CD44: variants seen among roughly 807,000 people sequenced by gnomAD.
CD44 encodes the protein CD44 molecule (IN blood group), also known as CD44 antigen.
A neutral mutation model predicts 88.8 loss-of-function variants in CD44; 49 were observed. The observed-to-expected ratio is 0.55, with a 90% CI of 0.44 to 0.70. The LOEUF (loss-of-function observed/expected upper bound fraction) is 0.70. Ranked by LOEUF, CD44 falls within the 30% of genes least tolerant of loss-of-function variation. The pLI, the probability that CD44 is intolerant of heterozygous loss-of-function variation, is 0.00. For missense variants in CD44, 883 were observed against 913.8 expected, an observed-to-expected ratio of 0.97 and a Z score of 0.43; for synonymous variants, 325 against 312.3, an observed-to-expected ratio of 1.04 and a Z score of -0.43.
chr11:35,187,595 ATAAACT>A (rs532060231), intron 4 of CD44, among the ~76,000 whole-genome samples: 40 of 152,342 alleles, frequency 2.6e-4, no homozygotes, highest in South Asian at 1.0e-3. Flanking sequence ...AACCTTAATA[ATAAACT>A]TAAATGTAAG....
chr11:35,144,575 C>T lies in CD44; in HGVS notation c.67+5205C>T, dbSNP rs183370814. Among the ~76,000 whole-genome samples, 3 of 152,268 alleles carry T rather than the reference C, an allele frequency of 2.0e-5. No individual in the cohort carries two copies. In the East Asian group the frequency reaches 5.8e-4, roughly 29 times the overall value. On this transcript the variant is annotated intron_variant, in intron 1 of 17. Transcript: ENST00000428726. Reference sequence around the variant, plus strand: ...TTTTTAAGTGTACCCCCCACAGCTGCCCAACTGGGTTTGCGAGGCAAGCCC... The same window carrying T: ...TTTTTAAGTGTACCCCCCACAGCTGTCCAACTGGGTTTGCGAGGCAAGCCC...
chr11:35,193,178 T>A (rs1024538436), intron 5 of CD44, among the ~76,000 whole-genome samples: 1 of 152,188 alleles, frequency 6.6e-6, no homozygotes, highest in Non-Finnish European at 1.5e-5. Flanking sequence ...TTGGCTTCCC[T>A]GGGCCACATT....
At position 35,181,916 on chromosome 11, in the gene CD44, ATATAT is replaced by A. The variant is rs368892090; in HGVS notation, c.367+1520_367+1524del. On this transcript the variant is annotated intron_variant, in intron 3 of 17. Transcript: ENST00000428726. Reference sequence around the variant, plus strand: ...TATAATATAATATATAATATATATTATATATTATATTATATATAAATTATATATAA... The same window carrying A: ...TATAATATAATATATAATATATATTATATATTATATATAAATTATATATAA... Among the ~76,000 whole-genome samples the A allele has an allele frequency of 4.8e-3, 297 of 61,700 alleles. 1 individual carries two copies. The highest frequency in any genetic ancestry group is 0.01 in the African/African-American group (118 of 11,396). The allele number at this position is 61,700 out of a possible 152,430, so 40.5% of individuals were successfully genotyped here.
intron 17 of CD44, among the ~76,000 whole-genome samples, chr11:35,224,386 G>A (rs1234015965): frequency 1.3e-5 from 2 of 152,134 alleles, no homozygotes; most frequent in Non-Finnish European, 2.9e-5. Flanking sequence ...AATTATTTTA[G>A]GAGTCAGTTG....
chr11:35,222,273 C>A, intron 17 of CD44: 1 of 509,304 alleles, frequency 2.0e-6, no homozygotes, highest in Non-Finnish European at 3.6e-6. Flanking sequence ...GAAGTATTGG[C>A]CTTGTGCTTT....
chr11:35,187,686 G>A (rs1215385368), intron 4 of CD44, among the ~76,000 whole-genome samples: 2 of 152,094 alleles, frequency 1.3e-5, no homozygotes, highest in Non-Finnish European at 2.9e-5. Flanking sequence ...TTATAAAGAG[G>A]GATTAATAAG....
At chr11:35,226,288 A>G (rs1336074205) in intron 17 of CD44, among the ~76,000 whole-genome samples, 2 of 152,192 alleles carry the variant, frequency 1.3e-5, no homozygotes, top group Admixed American at 6.5e-5. Flanking sequence ...CCATGCACAG[A>G]CATATTTTTT....
At chr11:35,218,949 G>A (rs1949067680) in intron 15 of CD44, 1 of 207,898 alleles carries the variant, frequency 4.8e-6, no homozygotes, top group Non-Finnish European at 9.9e-6. Context: ...CATCTTACGA[G>A]TGTGAAAAGG....
chr11:35,228,472 C>A (rs1486139468), intron 17 of CD44, among the ~76,000 whole-genome samples: 1 of 152,156 alleles, frequency 6.6e-6, no homozygotes, highest in East Asian at 1.9e-4. Flanking sequence ...ATATACAAAT[C>A]AGAATGATTT....
intron 10 of CD44, chr11:35,204,862 C>T: frequency 2.1e-6 from 1 of 465,498 alleles, no homozygotes; most frequent in Non-Finnish European, 3.9e-6. Context: ...GAACAGGAAA[C>T]ACAGAGAAAA....
rs78006686 is a variant in CD44, at chr11:35,229,829, C to G, written c.*496C>G. ...GTTACACATCTTCAACAGACCCCCT[C>G]TAGAAATTTTTCAGATGCTTCTGGG... On this transcript the variant is annotated 3_prime_UTR_variant, in exon 18 of 18. Transcript: ENST00000428726. The G allele has an allele frequency of 6.4e-3, 1,012 of 159,194 alleles. 8 individuals are homozygous for G. Among genetic ancestry groups the G allele is most frequent in the Non-Finnish European group, 0.011 (807 of 72,150 alleles). The allele number at this position is 159,194 out of a possible 1,614,324, so 9.9% of individuals were successfully genotyped here.
intron 1 of CD44, among the ~76,000 whole-genome samples, chr11:35,172,892 C>T (rs967748855): frequency 1.3e-5 from 2 of 151,772 alleles, no homozygotes; most frequent in African/African-American, 2.4e-5. Flanking sequence ...TTTCATAGCA[C>T]GTATTTTTCA....
At chr11:35,160,961 G>C (rs541586292) in intron 1 of CD44, among the ~76,000 whole-genome samples, 1 of 152,260 alleles carries the variant, frequency 6.6e-6, no homozygotes, top group Non-Finnish European at 1.5e-5. Context: ...TCTATCAAGA[G>C]AGAACACATG....
rs376216003 is a variant in CD44 at position 35,201,464 on chromosome 11, A to G, written c.1037-207A>G. On this transcript the variant is annotated intron_variant, in intron 8 of 17. Transcript: ENST00000428726. ...CCTTTGACAAACTGATCATAGTGGA[A>G]TAATAAGGGAACATGAAGAAATTCC... 3.3e-5 allele frequency among the ~76,000 whole-genome samples: 5 copies of G among 152,328 alleles called. No homozygotes were observed. In the East Asian group the frequency reaches 7.7e-4, roughly 23 times the overall value.
chr11:35,203,211 G>A (rs893265270), intron 9 of CD44, among the ~76,000 whole-genome samples: 7 of 152,076 alleles, frequency 4.6e-5, no homozygotes, highest in African/African-American at 1.7e-4. Context: ...GAAATCATAT[G>A]TTTTGCTAAC....
chr11:35,223,721 C>T (rs1482203120), intron 17 of CD44, among the ~76,000 whole-genome samples: 1 of 152,150 alleles, frequency 6.6e-6, no homozygotes, highest in Non-Finnish European at 1.5e-5. Context: ...ACAGATTTGC[C>T]ACGCAGCTAA....
intron 1 of CD44, among the ~76,000 whole-genome samples, chr11:35,143,701 G>T (rs1396983446): frequency 6.8e-6 from 1 of 146,654 alleles, no homozygotes; most frequent in Non-Finnish European, 1.5e-5. Flanking sequence ...TCCCCGGCAG[G>T]CTGTGGACTC....
At chr11:35,180,847 C>A (rs185075463) in intron 3 of CD44, among the ~76,000 whole-genome samples, 287 of 152,240 alleles carry the variant, frequency 1.9e-3, no homozygotes, top group African/African-American at 6.6e-3. Flanking sequence ...GACAAGCTTG[C>A]CCTATATGAA....
chr11:35,145,514 T>A (rs1443285511), intron 1 of CD44, among the ~76,000 whole-genome samples: 1 of 152,068 alleles, frequency 6.6e-6, no homozygotes, highest in African/African-American at 2.4e-5. Flanking sequence ...GGCTGCCTGC[T>A]GTGACCGCTG....
Sources: allele counts gnomAD v4.1 joint callset (sites outside exome capture counted in the v4.1 genomes callset), GRCh38; gene constraint gnomAD v4.1.1; transcripts MANE v1.5; gene names NCBI Gene and HGNC (gene_info 2026-07-23, HGNC 2026-07-21).